The following MSI1 variants were observed in gnomAD, a reference collection of about 807,000 sequenced individuals.
MSI1 encodes the protein RNA-binding protein Musashi homolog 1.
Under a neutral mutation model 54.4 loss-of-function variants are expected in MSI1, and 15 were observed. The observed-to-expected ratio is 0.28, with a 90% CI of 0.18 to 0.42. MSI1 has a LOEUF of 0.42. Ranked by LOEUF, MSI1 falls within the 20% of genes least tolerant of loss-of-function variation. MSI1 has a pLI of 1.00. For synonymous variants in MSI1, 200 were observed against 196.5 expected (o/e 1.02, Z -0.15); for missense variants, 304 against 506.0 (o/e 0.60, Z 3.83).
intron 6 of MSI1, among the ~76,000 whole-genome samples, chr12:120,361,992 C>T (rs556566781): frequency 6.6e-6 from 1 of 151,768 alleles, no homozygotes; most frequent in Admixed American, 6.6e-5. Flanking sequence ...CACAAAGACA[C>T]CCCGCCGCAG....
chr12:120,366,253 T>C (rs1279666712), intron 4 of MSI1, among the ~76,000 whole-genome samples: 1 of 152,188 alleles, frequency 6.6e-6, no homozygotes, highest in Non-Finnish European at 1.5e-5. Flanking sequence ...CAGCTGGCTC[T>C]GGCTTCTCTC....
Position 120,369,134 on chromosome 12 carries a change from C to G in MSI1, c.-43G>C, listed in dbSNP as rs1876229028. ...GCGGGCAGCGGAGCGGCGGCGGCGG[C>G]GGCGGCGGCGGCGCTCGGCGCGGGG... On this transcript the variant is annotated 5_prime_UTR_variant, in exon 1 of 15. Coordinates refer to ENST00000257552, the MANE Select transcript of MSI1 (RefSeq NM_002442.4). The G allele has an allele frequency of 1.0e-6, 1 of 1,000,820 alleles. No homozygotes were observed. 62.0% of individuals were successfully genotyped at this position (1,000,820 alleles called of 1,614,324 possible).
intron 7 of MSI1, among the ~76,000 whole-genome samples, chr12:120,358,523 G>T (rs1240775516): frequency 6.6e-6 from 1 of 152,232 alleles, no homozygotes; most frequent in East Asian, 1.9e-4. Flanking sequence ...ACTGGAAAGG[G>T]ATTTCTCAGA....
At chr12:120,347,387 T>C (rs1234911572) in intron 12 of MSI1, 59 bp downstream of exon 12, 2 of 1,603,014 alleles carry the variant, frequency 1.2e-6, no homozygotes, top group African/African-American at 1.3e-5. Flanking sequence ...TCCCCTCCCC[T>C]GGACTTCTCT....
At chr12:120,353,018 G>A (rs1031366824) in intron 10 of MSI1, among the ~76,000 whole-genome samples, 50 of 152,052 alleles carry the variant, frequency 3.3e-4, no homozygotes, top group African/African-American at 1.2e-3. Flanking sequence ...GGCAACCCTG[G>A]AGTCGGGTGG....
intron 14 of MSI1, among the ~76,000 whole-genome samples, chr12:120,344,887 A>G (rs1873979502): frequency 6.6e-6 from 1 of 151,172 alleles, no homozygotes; most frequent in East Asian, 2.0e-4. Flanking sequence ...GCGGTAGCAC[A>G]TGCCTGTAAT....
intron 13 of MSI1, among the ~76,000 whole-genome samples, chr12:120,345,855 T>TAAAACCAGGGCACCCCTGGAA (rs1294189279): frequency 2.7e-4 from 41 of 151,936 alleles, no homozygotes; most frequent in African/African-American, 9.9e-4. Context: ...GTACCCTGGA[T>TAAAACCAGGGCACCCCTGGAA]AAAACCAGGG....
chr12:120,357,761 C>A (rs1347472527), intron 8 of MSI1, 55 bp downstream of exon 8: 5 of 1,573,820 alleles, frequency 3.2e-6, no homozygotes, highest in Non-Finnish European at 4.4e-6. Flanking sequence ...CCACCTCAAC[C>A]TCCCCAAAGT....
At chr12:120,362,905 G>T in intron 6 of MSI1, 138 bp downstream of exon 6, 1 of 733,612 alleles carries the variant, frequency 1.4e-6, no homozygotes, top group Non-Finnish European at 2.3e-6. Context: ...GATTGGCCTG[G>T]TCTGCCCCCA....
At chr12:120,348,469 A>G (rs1487727832) in intron 11 of MSI1, among the ~76,000 whole-genome samples, 1 of 152,026 alleles carries the variant, frequency 6.6e-6, no homozygotes, top group Middle Eastern at 3.2e-3. Context: ...ACCCCCACTC[A>G]GGCGGCCCCT....
At chr12:120,346,390 C>T in intron 12 of MSI1, 68 bp from the exon 13 acceptor site, 1 of 1,401,246 alleles carries the variant, frequency 7.1e-7, no homozygotes. Context: ...CCCCCTCAAG[C>T]CTGTCCCACC....
intron 12 of MSI1, among the ~76,000 whole-genome samples, chr12:120,346,937 C>T (rs1391860699): frequency 6.6e-6 from 1 of 151,946 alleles, no homozygotes; most frequent in East Asian, 1.9e-4. Context: ...AGGCAGAGAC[C>T]CTGTCAGTCT....
chr12:120,355,381 C>T (rs1442700258), intron 9 of MSI1, among the ~76,000 whole-genome samples: 1 of 132,628 alleles, frequency 7.5e-6, no homozygotes, highest in Non-Finnish European at 1.5e-5. Context: ...GTCCGGCCTG[C>T]GAAAGAGTGA....
chr12:120,352,964 G>A (rs187319028), intron 10 of MSI1, among the ~76,000 whole-genome samples: 22 of 152,224 alleles, frequency 1.4e-4, no homozygotes, highest in African/African-American at 4.8e-4. Context: ...AATGGCCCTC[G>A]GAGAGGCCCC....
At chr12:120,340,001 C>T (rs747696014), downstream of MSI1, among the ~76,000 whole-genome samples, 5 of 151,860 alleles carry the variant, frequency 3.3e-5, no homozygotes, top group East Asian at 1.9e-4. Context: ...AGGCAAGTCT[C>T]GAACTGCTGG....
At chr12:120,350,840 A>ACAT (rs1874536787) in intron 11 of MSI1, among the ~76,000 whole-genome samples, 1 of 152,234 alleles carries the variant, frequency 6.6e-6, no homozygotes, top group Admixed American at 6.5e-5. Context: ...TCTGTTGCCA[A>ACAT]CATTGAAAAA....
At chr12:120,346,393 G>T in intron 12 of MSI1, 71 bp from the exon 13 acceptor site, 1 of 1,397,418 alleles carries the variant, frequency 7.2e-7, no homozygotes, top group Non-Finnish European at 9.5e-7. Flanking sequence ...CCTCAAGCCT[G>T]TCCCACCCAC....
intron 10 of MSI1, among the ~76,000 whole-genome samples, chr12:120,351,718 T>C (rs1874619586): frequency 6.6e-6 from 1 of 150,452 alleles, no homozygotes; most frequent in African/African-American, 2.4e-5. Context: ...TCTCTTTTTT[T>C]TTTTTTTTGA....
At chr12:120,344,879 G>A (rs1230017111) in intron 14 of MSI1, among the ~76,000 whole-genome samples, 1 of 151,614 alleles carries the variant, frequency 6.6e-6, no homozygotes, top group Non-Finnish European at 1.5e-5. Flanking sequence ...AGCTGGGTGC[G>A]GTAGCACATG....
Sources: allele counts gnomAD v4.1 joint callset (sites outside exome capture counted in the v4.1 genomes callset), GRCh38; gene constraint gnomAD v4.1.1; transcripts MANE v1.5; gene names NCBI Gene and HGNC (gene_info 2026-07-23, HGNC 2026-07-21).